The following SPOCK3 variants were observed in gnomAD, a reference collection of about 807,000 sequenced individuals.
SPOCK3 encodes the protein testican-3.
SPOCK3 carries 30 observed loss-of-function variants against 56.6 expected under a neutral mutation model. That is an observed-to-expected ratio of 0.53 (90% CI 0.40 to 0.72). SPOCK3 has a LOEUF of 0.72. Among genes scored for constraint, SPOCK3 ranks in the 30% least tolerant of loss-of-function variants. The pLI is 0.00. For missense variants in SPOCK3, 527 were observed against 530.0 expected, an observed-to-expected ratio of 0.99 and a Z score of 0.06; for synonymous variants, 196 against 183.3, an observed-to-expected ratio of 1.07 and a Z score of -0.56.
intron 2 of SPOCK3, among the ~76,000 whole-genome samples, chr4:167,228,691 G>C (rs527936870): frequency 6.6e-6 from 1 of 152,154 alleles, no homozygotes; most frequent in Admixed American, 6.5e-5. Flanking sequence ...GCTTAACTAG[G>C]ATCCTGATGA....
intron 4 of SPOCK3, among the ~76,000 whole-genome samples, chr4:166,999,981 TCTAA>T (rs148868204): frequency 2.6e-3 from 398 of 152,250 alleles, no homozygotes; most frequent in Non-Finnish European, 4.6e-3. Flanking sequence ...CCTCTAACTT[TCTAA>T]CTCTCTCCTG....
intron 2 of SPOCK3, among the ~76,000 whole-genome samples, chr4:167,100,675 C>T (rs1038307074): frequency 1.3e-4 from 20 of 151,992 alleles, no homozygotes; most frequent in Non-Finnish European, 5.9e-5. Context: ...TTAAAATATT[C>T]TTAAAAGAGT....
At chr4:167,192,739 T>A (rs1333883780) in intron 2 of SPOCK3, among the ~76,000 whole-genome samples, 2 of 145,920 alleles carry the variant, frequency 1.4e-5, no homozygotes, top group Non-Finnish European at 3.0e-5. Context: ...TATTTATCAC[T>A]ATAAGCTTTC....
intron 2 of SPOCK3, among the ~76,000 whole-genome samples, chr4:167,095,010 T>TCTCAG (rs2150315410): frequency 6.6e-6 from 1 of 152,184 alleles, no homozygotes; most frequent in East Asian, 1.9e-4. Flanking sequence ...GAAAGACCAC[T>TCTCAG]CTCAGCTCGA....
intron 4 of SPOCK3, among the ~76,000 whole-genome samples, chr4:166,931,005 CAG>C (rs1739683088): frequency 1.3e-5 from 2 of 152,030 alleles, no homozygotes; most frequent in East Asian, 3.9e-4. Flanking sequence ...TTTTTTTTGA[CAG>C]AGTTTCACTC....
chr4:167,012,293 C>T (rs1750157166), intron 3 of SPOCK3, among the ~76,000 whole-genome samples: 2 of 151,432 alleles, frequency 1.3e-5, no homozygotes, highest in South Asian at 2.1e-4. Flanking sequence ...GTGTAACTTT[C>T]CTCATATGAG....
intron 5 of SPOCK3, among the ~76,000 whole-genome samples, chr4:166,912,266 TA>T (rs771575670): frequency 2.6e-5 from 4 of 152,080 alleles, no homozygotes; most frequent in African/African-American, 7.2e-5. Context: ...AATATGAGAT[TA>T]AAAAATAATT....
intron 3 of SPOCK3, among the ~76,000 whole-genome samples, chr4:167,004,413 C>T (rs1008805624): frequency 2.6e-5 from 4 of 152,146 alleles, no homozygotes; most frequent in African/African-American, 9.7e-5. Flanking sequence ...ATGCTCATAT[C>T]GCCTGTGAGT....
intron 2 of SPOCK3, among the ~76,000 whole-genome samples, chr4:167,109,861 C>T (rs887082755): frequency 6.6e-6 from 1 of 151,674 alleles, no homozygotes; most frequent in Non-Finnish European, 1.5e-5. Context: ...ATCATAAAAT[C>T]ATATCTTTCT....
intron 7 of SPOCK3, among the ~76,000 whole-genome samples, chr4:166,787,023 A>G (rs1740802980): frequency 6.6e-6 from 1 of 152,164 alleles, no homozygotes; most frequent in African/African-American, 2.4e-5. Flanking sequence ...TCTTGAAGTC[A>G]TTCATTAACT....
intron 2 of SPOCK3, among the ~76,000 whole-genome samples, chr4:167,178,748 C>T (rs1298543886): frequency 2.6e-5 from 4 of 151,396 alleles, no homozygotes; most frequent in Admixed American, 6.6e-5. Context: ...TTAGGGAATT[C>T]GTACAATTTA....
chr4:166,814,932 C>G (rs1247541965), intron 6 of SPOCK3, among the ~76,000 whole-genome samples: 1 of 152,018 alleles, frequency 6.6e-6, no homozygotes, highest in East Asian at 1.9e-4. Context: ...CCAGAGCCCC[C>G]TCAGTTATTT....
chr4:166,949,807 A>C (rs1742294302), intron 4 of SPOCK3, among the ~76,000 whole-genome samples: 2 of 152,184 alleles, frequency 1.3e-5, no homozygotes, highest in South Asian at 4.1e-4. Flanking sequence ...AAGAATTTTC[A>C]ACCCAGAATT....
rs769265303 is a variant in SPOCK3, at chr4:166,912,776, T to C, written c.351-33A>G. On this transcript the variant is annotated intron_variant, in intron 4 of 10. Transcript: ENST00000357545. ...AAAAATAAAGCAAGCATATTGAGCATATTTATTTTAAAATATACATTTATA... is the reference window on the plus strand; with the variant it reads ...AAAAATAAAGCAAGCATATTGAGCACATTTATTTTAAAATATACATTTATA... 2.6e-6 allele frequency: 4 copies of C among 1,555,884 alleles called. No homozygotes were observed. In the Admixed American group the frequency reaches 6.1e-5, roughly 24 times the overall value.
chr4:166,939,203 G>A (rs563817616), intron 4 of SPOCK3, among the ~76,000 whole-genome samples: 72 of 152,188 alleles, frequency 4.7e-4, no homozygotes, highest in African/African-American at 1.7e-3. Context: ...AAAACTAGGT[G>A]ATGGAATTGA....
chr4:167,203,851 C>T (rs1186789786), intron 2 of SPOCK3, among the ~76,000 whole-genome samples: 1 of 152,030 alleles, frequency 6.6e-6, no homozygotes, highest in Non-Finnish European at 1.5e-5. Context: ...TTGCCTAATA[C>T]TTGCAGCTGG....
intron 3 of SPOCK3, among the ~76,000 whole-genome samples, chr4:167,059,715 C>A (rs544998407): frequency 2.6e-5 from 4 of 152,024 alleles, no homozygotes; most frequent in African/African-American, 4.8e-5. Flanking sequence ...ATGTTTATTG[C>A]GGCACTATTC....
chr4:167,132,488 A>G (rs1190109359), intron 2 of SPOCK3, among the ~76,000 whole-genome samples: 6 of 152,234 alleles, frequency 3.9e-5, no homozygotes, highest in African/African-American at 1.4e-4. Flanking sequence ...GATAACTATC[A>G]AAAGTTATTT....
intron 5 of SPOCK3, among the ~76,000 whole-genome samples, chr4:166,903,739 A>T (rs563327453): frequency 6.6e-6 from 1 of 152,052 alleles, no homozygotes; most frequent in Non-Finnish European, 1.5e-5. Context: ...CTTCAGATAC[A>T]AAAACATACT....
Sources: gnomAD v4.1 joint callset for allele counts (sites outside exome capture counted in the v4.1 genomes callset) on GRCh38, gnomAD v4.1.1 for gene constraint, MANE v1.5 for transcripts, NCBI Gene and HGNC (gene_info 2026-07-23, HGNC 2026-07-21) for gene names.